Variants in AADACL3 observed in about 807,000 individuals in gnomAD.
AADACL3 encodes arylacetamide deacetylase-like 3.
AADACL3 carries 13 observed loss-of-function variants against 13.6 expected under a neutral mutation model. That is an observed-to-expected ratio of 0.95 (90% CI 0.62 to 1.52). The LOEUF is 1.52. AADACL3 is among the 40% of genes most tolerant of loss of function. The pLI is 0.00. For synonymous variants in AADACL3, 195 were observed against 197.0 expected (o/e 0.99, Z 0.08); for missense variants, 519 against 499.2 (o/e 1.04, Z -0.38).
At position 12,726,406 on chromosome 1, in the gene AADACL3, G is replaced by A. The variant is rs769126670; in HGVS notation, c.*410G>A. ...AGCACAAGGGCATCATGTACTTCAC[G>A]AGGCTTTCCCAATGTGGCTCAGAGG... is the stretch of plus-strand genomic sequence containing the variant. On this transcript the variant is annotated 3_prime_UTR_variant, in exon 4 of 4. Transcript: ENST00000359318. 3.0e-5 allele frequency: 5 copies of A among 168,490 alleles called. No individual in the cohort carries two copies. Among genetic ancestry groups the A allele is most frequent in the Admixed American group, 5.8e-5 (1 of 17,134 alleles). 10.4% of individuals were successfully genotyped at this position (168,490 alleles called of 1,614,324 possible).
In AADACL3 at chr1:12,725,870, C is replaced by T. The variant is rs376099745; in HGVS notation, c.1098C>T (p.Pro366=). 89 of 1,614,172 alleles carry T rather than the reference C, an allele frequency of 5.5e-5. 1 individual carries two copies. The highest frequency in any genetic ancestry group is 4.9e-4 in the African/African-American group (37 of 75,030). The change falls in exon 4 of 4, where the codon CCC becomes CCT. Residue 366 remains proline, a synonymous_variant. Coordinates refer to ENST00000359318, the MANE Select transcript of AADACL3 (RefSeq NM_001103170.3). ...AAAGGCTGGAAGACCTGGGAGTGCC[C>T]GTGACCTGGCACCATATGGAGGATG... ...YKKRLEDLGV[P]VTWHHMEDGF... is the part of the protein sequence containing the mutation.
intron 1 of AADACL3, among the ~76,000 whole-genome samples, chr1:12,718,116 T>C (rs1488944430): frequency 6.6e-6 from 1 of 152,236 alleles, no homozygotes; most frequent in African/African-American, 2.4e-5. Context: ...TATTACTCTA[T>C]GTGCTAGTAA....
chr1:12,722,113 G>A (rs539964322), intron 3 of AADACL3, among the ~76,000 whole-genome samples: 1 of 152,214 alleles, frequency 6.6e-6, no homozygotes, highest in African/African-American at 2.4e-5. Flanking sequence ...GATCACTTGA[G>A]GCCAGGAGTT....
At chr1:12,720,823 G>A in intron 2 of AADACL3, 60 bp from the exon 3 acceptor site, 6 of 1,472,080 alleles carry the variant, frequency 4.1e-6, no homozygotes, top group Middle Eastern at 1.8e-4. Context: ...GAAGAAGACG[G>A]TGACAATGGC....
In AADACL3 at chr1:12,726,000, T is replaced by C. The variant is rs779971489; in HGVS notation, c.*4T>C. The C allele has an allele frequency of 1.2e-6, 2 of 1,602,666 alleles. No individual in the cohort carries two copies. Among genetic ancestry groups the C allele is most frequent in the South Asian group, 1.1e-5 (1 of 88,874 alleles). On this transcript the variant is annotated 3_prime_UTR_variant, in exon 4 of 4. Coordinates refer to ENST00000359318, the MANE Select transcript of AADACL3 (RefSeq NM_001103170.3). ...TCAATTTGTAAAGGGACTGTGACCA[T>C]CTTTCTTCTCTGCTGGTACTGCGGT...
Position 12,725,385 on chromosome 1 carries a change from CA to C in AADACL3, c.615del (p.Gln205HisfsTer16), listed in dbSNP as rs1271560425. ...GGAIAAVVCQ[Q>X]LVDRPDLPRI... ...GGCAATAGCCGCAGTGGTTTGTCAA[CA>C]ACTTGTGGACAGGCCAGATCTGCCC... On this transcript the variant is annotated frameshift_variant, in exon 4 of 4. Coordinates refer to ENST00000359318, the MANE Select transcript of AADACL3 (RefSeq NM_001103170.3). LOFTEE classifies it low-confidence loss of function (END_TRUNC). The C allele has an allele frequency of 1.2e-6, 2 of 1,614,146 alleles. No individual in the cohort carries two copies. The highest frequency in any genetic ancestry group is 1.7e-5 in the Admixed American group (1 of 60,032).
rs543419630 is a variant in AADACL3, at chr1:12,716,184, A to G, written c.8A>G (p.Asp3Gly). 3.8e-4 allele frequency: 339 copies of G among 890,444 alleles called. 5 individuals are homozygous for G. The South Asian group carries it at 4.6e-3, about 12-fold the overall frequency. The allele number at this position is 890,444 out of a possible 1,614,324, so 55.2% of individuals were successfully genotyped here. A position where few individuals can be genotyped will look rare whatever the true frequency, so the allele number is the denominator to read the frequency against. Residue 3 changes from aspartate (D) to glycine (G), a missense_variant, in exon 1 of 4, where the codon GAC (aspartate) becomes GGC (glycine). Physicochemically the swap from Asp to Gly is moderately conservative, Grantham distance 94 (BLOSUM62 -1). Coordinates refer to ENST00000359318, the MANE Select transcript of AADACL3 (RefSeq NM_001103170.3). MW[D>G]LALIFLAAAC... Reference sequence around the variant, plus strand: ...CTCTGAGCTGGAAGCAGCATGTGGGACCTGGCCCTGATCTTCCTCGCAGCA... The same window carrying G: ...CTCTGAGCTGGAAGCAGCATGTGGGGCCTGGCCCTGATCTTCCTCGCAGCA...
chr1:12,721,231 AT>A (rs1638252886), intron 3 of AADACL3, among the ~76,000 whole-genome samples: 1 of 152,022 alleles, frequency 6.6e-6, no homozygotes, highest in Non-Finnish European at 1.5e-5. Flanking sequence ...GTGAGACCCC[AT>A]TTTTACAAAA....
rs767566887 is a variant in AADACL3 at position 12,720,932 on chromosome 1, G to A, written c.435G>A (p.Val145=). 1 of 1,611,386 alleles carries A rather than the reference G, an allele frequency of 6.2e-7. No individual in the cohort carries two copies. Among genetic ancestry groups the A allele is most frequent in the Admixed American group, 1.7e-5 (1 of 59,870 alleles). The change falls in exon 3 of 4, where the codon GTG becomes GTA. Residue 145 remains valine, a synonymous_variant. Coordinates refer to ENST00000359318, the MANE Select transcript of AADACL3 (RefSeq NM_001103170.3). ...CSRLCKESDS[V]VLAVGYRKLP... ...GTTTGTGCAAGGAGAGTGACTCCGT[G>A]GTTCTGGCAGTTGGGTGAGTAAAGG...
In AADACL3 at chr1:12,727,840, C is replaced by T. The variant is rs1449353384; in HGVS notation, c.*1844C>T. The T allele has an allele frequency of 6.6e-6, 1 of 152,218 alleles. No individual in the cohort carries two copies. Among genetic ancestry groups the T allele is most frequent in the Non-Finnish European group, 1.5e-5 (1 of 68,058 alleles). 9.4% of individuals were successfully genotyped at this position (152,218 alleles called of 1,614,324 possible). A position where few individuals can be genotyped will look rare whatever the true frequency, so the allele number is the denominator to read the frequency against. On this transcript the variant is annotated 3_prime_UTR_variant, in exon 4 of 4. Coordinates refer to ENST00000359318, the MANE Select transcript of AADACL3 (RefSeq NM_001103170.3). ...CTGAGTTGAGGCTGGGAGAGGCTCC[C>T]TCCTTGGAGTGTTGCTTTTTTTGTT... is the stretch of plus-strand genomic sequence containing the variant.
chr1:12,718,530 C>T (rs1446187384), intron 1 of AADACL3, among the ~76,000 whole-genome samples: 1 of 151,908 alleles, frequency 6.6e-6, no homozygotes, highest in East Asian at 1.9e-4. Flanking sequence ...GAGTTTTACT[C>T]TTGTTGCCCA....
rs750549542 is a variant in AADACL3, at chr1:12,725,803, G to GT, written c.1032dup (p.Glu345Ter). 6.2e-7 allele frequency: 1 copy of GT among 1,614,206 alleles called. No homozygotes were observed. The highest frequency in any genetic ancestry group is 1.1e-5 in the South Asian group (1 of 91,088). On this transcript the variant is annotated frameshift_variant, in exon 4 of 4. Coordinates refer to ENST00000359318, the MANE Select transcript of AADACL3 (RefSeq NM_001103170.3). LOFTEE classifies it low-confidence loss of function (END_TRUNC). ...CTCCCGGAAACCTGCATCGTGAGCT[G>GT]TGAGTATGATGCTCTCCGGGACAAT...
chr1:12,721,001 G>C, intron 3 of AADACL3, 55 bp downstream of exon 3: 3 of 823,960 alleles, frequency 3.6e-6, no homozygotes, highest in Non-Finnish European at 5.5e-6. Flanking sequence ...CTGATGTGGA[G>C]AGATGGGGTG....
rs1311281585 is a variant in AADACL3 at position 12,726,357 on chromosome 1, G to T, written c.*361G>T. 4 of 218,174 alleles carry T rather than the reference G, an allele frequency of 1.8e-5. No individual in the cohort carries two copies. The highest frequency in any genetic ancestry group is 3.6e-5 in the Non-Finnish European group (4 of 110,882). 13.5% of individuals were successfully genotyped at this position (218,174 alleles called of 1,614,324 possible). On this transcript the variant is annotated 3_prime_UTR_variant, in exon 4 of 4. Transcript: ENST00000359318. ...TTGATCCAGACTGTGTGTGACTTTC[G>T]TCCATTTGACTTGACTTTGGAATAG...
At chr1:12,719,818 T>C in intron 2 of AADACL3, 127 bp downstream of exon 2, 1 of 1,002,398 alleles carries the variant, frequency 1.0e-6, no homozygotes, top group East Asian at 2.6e-5. Context: ...CAGTTCATGG[T>C]TTGCAGATCA....
Position 12,725,807 on chromosome 1 carries a change from G to A in AADACL3, c.1035G>A (p.Glu345=), listed in dbSNP as rs763766805. The change falls in exon 4 of 4, where the codon GAG becomes GAA. Residue 345 remains glutamate (E), a synonymous_variant. Transcript: ENST00000359318. ...QLPETCIVSC[E]YDALRDNSLL... ...CGGAAACCTGCATCGTGAGCTGTGA[G>A]TATGATGCTCTCCGGGACAATTCAC... 3.7e-6 allele frequency: 6 copies of A among 1,614,184 alleles called. No individual in the cohort carries two copies. The Admixed American group carries it at 1.0e-4, about 27-fold the overall frequency.
intron 1 of AADACL3, among the ~76,000 whole-genome samples, chr1:12,718,854 C>T (rs1648498802): frequency 6.6e-6 from 1 of 152,180 alleles, no homozygotes; most frequent in South Asian, 2.1e-4. Flanking sequence ...GAACAGGGTG[C>T]CCACTCTCCA....
At chr1:12,718,843 G>T (rs1042785113) in intron 1 of AADACL3, among the ~76,000 whole-genome samples, 2 of 152,252 alleles carry the variant, frequency 1.3e-5, no homozygotes, top group African/African-American at 4.8e-5. Context: ...ATACCAAAGG[G>T]GAACAGGGTG....
chr1:12,720,874 A>G lies in AADACL3; in HGVS notation c.386-9A>G, dbSNP rs552441177. On this transcript the variant is annotated splice_polypyrimidine_tract_variant and intron_variant, in intron 2 of 3. Transcript: ENST00000359318. ...TCCTAGTGAATCTTAAAAACCATTT[A>G]TTTTCTAGAAACCCACCATGGCATA... is the stretch of plus-strand genomic sequence containing the variant. 1.3e-5 allele frequency: 21 copies of G among 1,609,830 alleles called. No individual in the cohort carries two copies. In the Admixed American group the frequency reaches 2.7e-4, roughly 20 times the overall value.
Sources: gnomAD v4.1 joint callset for allele counts (sites outside exome capture counted in the v4.1 genomes callset) on GRCh38, gnomAD v4.1.1 for gene constraint, MANE v1.5 for transcripts, NCBI Gene and HGNC (gene_info 2026-07-23, HGNC 2026-07-21) for gene names.